The following HIBADH variants were observed in gnomAD, a reference collection of about 807,000 sequenced individuals.
HIBADH encodes the protein 3-hydroxyisobutyrate dehydrogenase, mitochondrial.
Under a neutral mutation model 36.1 loss-of-function variants are expected in HIBADH, and 25 were observed. The observed-to-expected ratio is 0.69, with a 90% CI of 0.50 to 0.97. The LOEUF (loss-of-function observed/expected upper bound fraction) is 0.97, where lower values mean the gene tolerates loss of function less well. HIBADH is among the 50% of genes least tolerant of loss of function. HIBADH has a pLI of 0.00. For missense variants in HIBADH, 421 were observed against 418.0 expected (o/e 1.01, Z -0.06); for synonymous variants, 160 against 149.5 (o/e 1.07, Z -0.51).
At chr7:27,607,179 A>C (rs187174179) in intron 4 of HIBADH, among the ~76,000 whole-genome samples, 1 of 152,202 alleles carries the variant, frequency 6.6e-6, no homozygotes. Flanking sequence ...ATTAAAGACC[A>C]TAAGATGTCA....
chr7:27,634,665 C>A (rs1323301913), intron 2 of HIBADH, among the ~76,000 whole-genome samples: 1 of 152,200 alleles, frequency 6.6e-6, no homozygotes, highest in Non-Finnish European at 1.5e-5. Flanking sequence ...GACCTGAGGT[C>A]TAAGAGTTAA....
chr7:27,530,032 T>C (rs1016726567), intron 7 of HIBADH, among the ~76,000 whole-genome samples: 1 of 152,194 alleles, frequency 6.6e-6, no homozygotes, highest in African/African-American at 2.4e-5. Context: ...GATACGTATA[T>C]TGTTTAGACA....
intron 4 of HIBADH, among the ~76,000 whole-genome samples, chr7:27,620,204 G>C (rs991281169): frequency 1.3e-5 from 2 of 152,088 alleles, no homozygotes; most frequent in African/African-American, 4.8e-5. Flanking sequence ...TGTGGTCCCA[G>C]CTACTCAGGA....
intron 1 of HIBADH, among the ~76,000 whole-genome samples, chr7:27,652,188 G>C (rs1352711809): frequency 6.6e-6 from 1 of 152,170 alleles, no homozygotes; most frequent in Non-Finnish European, 1.5e-5. Context: ...TTACTAAGTT[G>C]TAATGCCAAG....
chr7:27,604,334 G>A (rs1785182532), intron 4 of HIBADH, among the ~76,000 whole-genome samples: 1 of 151,880 alleles, frequency 6.6e-6, no homozygotes, highest in Non-Finnish European at 1.5e-5. Context: ...TACTCTTACT[G>A]CATAAAATTG....
chr7:27,554,325 C>T (rs372459571), intron 4 of HIBADH, among the ~76,000 whole-genome samples: 1 of 152,320 alleles, frequency 6.6e-6, no homozygotes, highest in African/African-American at 2.4e-5. Context: ...GAAAAAAAAG[C>T]CAAATAGCTT....
At chr7:27,560,267 G>A (rs111698726) in intron 4 of HIBADH, among the ~76,000 whole-genome samples, 19 of 152,232 alleles carry the variant, frequency 1.2e-4, no homozygotes, top group African/African-American at 4.3e-4. Flanking sequence ...GATTACAGGC[G>A]TGCACCACCA....
intron 4 of HIBADH, 64 bp from the exon 5 acceptor site, chr7:27,543,164 G>A (rs978447): frequency 0.72 from 1,114,410 of 1,553,916 alleles, 402,390 homozygotes; most frequent in East Asian, 0.94. Context: ...GTTTAGGCAG[G>A]TAATAAAATT....
intron 4 of HIBADH, among the ~76,000 whole-genome samples, chr7:27,564,556 T>C (rs575748117): frequency 7.9e-5 from 12 of 152,380 alleles, no homozygotes; most frequent in South Asian, 2.1e-4. Context: ...TTTATTAGTA[T>C]AGCTTTGAAG....
intron 2 of HIBADH, among the ~76,000 whole-genome samples, chr7:27,637,085 G>A (rs569535552): frequency 2.6e-5 from 4 of 152,286 alleles, no homozygotes; most frequent in Admixed American, 2.6e-4. Context: ...GAGAAATATG[G>A]CATAGATACA....
chr7:27,644,599 CAA>C (rs57443714), intron 2 of HIBADH, among the ~76,000 whole-genome samples: 2 of 112,676 alleles, frequency 1.8e-5, no homozygotes, highest in Non-Finnish European at 1.7e-5. Context: ...GACTCCATCT[CAA>C]AAAAAAAAAA....
intron 4 of HIBADH, among the ~76,000 whole-genome samples, chr7:27,596,359 G>T (rs1785033269): frequency 6.6e-6 from 1 of 152,176 alleles, no homozygotes; most frequent in Admixed American, 6.5e-5. Context: ...GTTCCCAAAA[G>T]TTCCCAAGAC....
At chr7:27,631,705 T>A (rs548773141) in intron 3 of HIBADH, among the ~76,000 whole-genome samples, 102 of 152,338 alleles carry the variant, frequency 6.7e-4, no homozygotes, top group Non-Finnish European at 8.5e-4. Context: ...AACCCATTTA[T>A]GCCTAGTGTT....
chr7:27,585,060 T>C (rs2128288031), intron 4 of HIBADH, among the ~76,000 whole-genome samples: 1 of 152,150 alleles, frequency 6.6e-6, no homozygotes, highest in East Asian at 1.9e-4. Flanking sequence ...CTTGGTAAAT[T>C]ATATATATTT....
chr7:27,594,653 C>T (rs1281543304), intron 4 of HIBADH, among the ~76,000 whole-genome samples: 1 of 151,908 alleles, frequency 6.6e-6, no homozygotes, highest in African/African-American at 2.4e-5. Flanking sequence ...AATAAACAAG[C>T]AAAAGTAGTC....
Position 27,526,207 on chromosome 7 carries a change from G to A in HIBADH, c.*7C>T. The A allele has an allele frequency of 6.2e-7, 1 of 1,600,164 alleles. No individual in the cohort carries two copies. Among genetic ancestry groups the A allele is most frequent in the Non-Finnish European group, 8.5e-7 (1 of 1,173,942 alleles). ...TTCCCAACAGTGTCCGTGGCCAAAGGGCACACTCAGAAGGTCTCCTCCTCT... is the reference window on the plus strand; with the variant it reads ...TTCCCAACAGTGTCCGTGGCCAAAGAGCACACTCAGAAGGTCTCCTCCTCT... On this transcript the variant is annotated 3_prime_UTR_variant, in exon 8 of 8. Coordinates refer to ENST00000265395, the MANE Select transcript of HIBADH (RefSeq NM_152740.4).
At chr7:27,647,622 C>T in intron 2 of HIBADH, 1 of 246,426 alleles carries the variant, frequency 4.1e-6, no homozygotes, top group Non-Finnish European at 9.2e-6. Context: ...TAAATATCTC[C>T]TTCATGCAGG....
intron 4 of HIBADH, among the ~76,000 whole-genome samples, chr7:27,604,087 T>C (rs1241548026): frequency 2.0e-5 from 3 of 152,178 alleles, no homozygotes; most frequent in Non-Finnish European, 2.9e-5. Flanking sequence ...AACACTCACT[T>C]ACACCAATAC....
At chr7:27,540,623 T>G (rs1784134800) in intron 5 of HIBADH, among the ~76,000 whole-genome samples, 1 of 152,180 alleles carries the variant, frequency 6.6e-6, no homozygotes, top group African/African-American at 2.4e-5. Flanking sequence ...CTTTCCAGAT[T>G]TTCATGTTCT....
Sources: gnomAD v4.1 joint callset for allele counts (sites outside exome capture counted in the v4.1 genomes callset) on GRCh38, gnomAD v4.1.1 for gene constraint, MANE v1.5 for transcripts, NCBI Gene and HGNC (gene_info 2026-07-23, HGNC 2026-07-21) for gene names.